Variants in PIEZO2 observed in about 807,000 individuals in gnomAD.
PIEZO2 encodes the protein piezo-type mechanosensitive ion channel component 2.
Under a neutral mutation model 337.3 loss-of-function variants are expected in PIEZO2, and 172 were observed. The ratio of observed to expected loss-of-function variants is 0.51; its 90% CI spans 0.45 to 0.58. PIEZO2 has a LOEUF of 0.58. PIEZO2 is among the 20% of genes least tolerant of loss of function. The pLI, the probability that PIEZO2 is intolerant of heterozygous loss-of-function variation, is 0.00. For synonymous variants in PIEZO2, 1,251 were observed against 1,228.5 expected, an observed-to-expected ratio of 1.02 and a Z score of -0.38; for missense variants, 3,028 against 3,391.3, an observed-to-expected ratio of 0.89 and a Z score of 2.66.
At position 10,672,346 on chromosome 18, in the gene PIEZO2, T is replaced by C. The variant is rs2033817079; in HGVS notation, c.8345+344A>G. On this transcript the variant is annotated intron_variant, in intron 55 of 55. Coordinates refer to ENST00000674853, the MANE Select transcript of PIEZO2 (RefSeq NM_001378183.1). This position sits in a 1 kb window ranked among gnomAD's most constrained non-coding sequence, Gnocchi z 4.7. The stretch of plus-strand genomic sequence containing the variant: ...AGAAGTTCAAAAGCAGGATGTCTAA[T>C]AGATCCATCTGCTAAGGATTAGAAG... Among the ~76,000 whole-genome samples, 2 of 152,224 alleles carry C rather than the reference T, an allele frequency of 1.3e-5. No individual in the cohort carries two copies. Among genetic ancestry groups the C allele is most frequent in the Admixed American group, 1.3e-4 (2 of 15,284 alleles).
At position 11,148,883 on chromosome 18, in the gene PIEZO2, G is replaced by A. The variant is rs537307178; in HGVS notation, c.-295C>T. ...TTTAGTGTGAATCCTGGATCCGGCA[G>A]CGGCGGCGGCTTCTTCAGGGGTAGC... is the stretch of plus-strand genomic sequence containing the variant. On this transcript the variant is annotated 5_prime_UTR_variant, in exon 1 of 56. Coordinates refer to ENST00000674853, the MANE Select transcript of PIEZO2 (RefSeq NM_001378183.1). The surrounding 1 kb of genome is among the most constrained non-coding windows in gnomAD (Gnocchi z 5.2). 77 of 355,642 alleles carry A rather than the reference G, an allele frequency of 2.2e-4. No homozygotes were observed. The highest frequency in any genetic ancestry group is 1.6e-3 in the African/African-American group (76 of 46,608). The allele number at this position is 355,642 out of a possible 1,614,324, so 22.0% of individuals were successfully genotyped here.
intron 2 of PIEZO2, among the ~76,000 whole-genome samples, chr18:11,058,706 A>C (rs951502429): frequency 6.6e-6 from 1 of 152,218 alleles, no homozygotes; most frequent in African/African-American, 2.4e-5. Flanking sequence ...GAAATGAAGC[A>C]AAAAGAGAAG....
chr18:10,779,003 T>G (rs1300538701), intron 18 of PIEZO2, among the ~76,000 whole-genome samples: 1 of 152,290 alleles, frequency 6.6e-6, no homozygotes, highest in East Asian at 1.9e-4. Flanking sequence ...GGGATTTAGA[T>G]TATTGCTCAG....
Position 11,094,008 on chromosome 18 carries a change from C to T in PIEZO2, c.65-27786G>A, listed in dbSNP as rs901477532. ...TCTTTCTTTTTTTGAGACAGTGTCT[C>T]GCTCTTGGGGCCCAGGCTGGAGTGC... is the stretch of plus-strand genomic sequence containing the variant. On this transcript the variant is annotated intron_variant, in intron 1 of 55. Transcript: ENST00000674853. This position sits in a 1 kb window ranked among gnomAD's most constrained non-coding sequence, Gnocchi z 4.4. Among the ~76,000 whole-genome samples, 4 of 148,988 alleles carry T rather than the reference C, an allele frequency of 2.7e-5. No individual in the cohort carries two copies. The highest frequency in any genetic ancestry group is 2.2e-4 in the South Asian group (1 of 4,636).
chr18:10,920,374 G>T (rs143854074), intron 3 of PIEZO2, among the ~76,000 whole-genome samples: 1 of 152,030 alleles, frequency 6.6e-6, no homozygotes, highest in African/African-American at 2.4e-5. Context: ...AAAAGTTATC[G>T]GAACAGTTAG....
rs187818100 is a variant in PIEZO2 at position 10,732,158 on chromosome 18, A to C, written c.4915-637T>G. On this transcript the variant is annotated intron_variant, in intron 35 of 55. Transcript: ENST00000674853. Reference sequence around the variant, plus strand: ...TCAAGAGCTGAAAATAGTTACATTAATATATTATAACTGAGAACCAGGAAA... The same window carrying C: ...TCAAGAGCTGAAAATAGTTACATTACTATATTATAACTGAGAACCAGGAAA... Among the ~76,000 whole-genome samples, 436 of 152,300 alleles carry C rather than the reference A, an allele frequency of 2.9e-3. 2 individuals carry two copies. The highest frequency in any genetic ancestry group is 4.0e-3 in the Non-Finnish European group (269 of 68,038).
In PIEZO2 at chr18:10,859,844, C is replaced by T. The variant is rs1423969602; in HGVS notation, c.493-2633G>A. On this transcript the variant is annotated intron_variant, in intron 5 of 55. Transcript: ENST00000674853. The surrounding 1 kb of genome is among the most constrained non-coding windows in gnomAD (Gnocchi z 4.9). ...GGGGCGGAGCAGAGGGAGGCAGCAG[C>T]GGGGAGGTGGTGGCTGTGCTGGAGG... 2.0e-5 allele frequency among the ~76,000 whole-genome samples: 3 copies of T among 151,694 alleles called. No homozygotes were observed. Among genetic ancestry groups the T allele is most frequent in the Non-Finnish European group, 4.4e-5 (3 of 67,962 alleles).
Position 10,729,065 on chromosome 18 carries a change from C to T in PIEZO2, c.5029+2342G>A, listed in dbSNP as rs542957343. Among the ~76,000 whole-genome samples, 18 of 151,546 alleles carry T rather than the reference C, an allele frequency of 1.2e-4. 1 individual carries two copies. The South Asian group carries it at 2.5e-3, about 21-fold the overall frequency. ...ACAACATACTGTTAGGATTTGTAAC[C>T]TTAGAGGACAGGATTTTGAGGTGAC... On this transcript the variant is annotated intron_variant, in intron 36 of 55. Coordinates refer to ENST00000674853, the MANE Select transcript of PIEZO2 (RefSeq NM_001378183.1).
chr18:11,060,663 A>T (rs2037915118), intron 2 of PIEZO2, among the ~76,000 whole-genome samples: 1 of 152,268 alleles, frequency 6.6e-6, no homozygotes, highest in African/African-American at 2.4e-5. Context: ...CTAGAAGAAA[A>T]GGATAAATTC....
chr18:10,701,967 AT>A, intron 43 of PIEZO2, 21 bp downstream of exon 43: 2 of 1,505,990 alleles, frequency 1.3e-6, no homozygotes, highest in Non-Finnish European at 1.8e-6. Context: ...ACTTGAACTG[AT>A]TAATTGTTAA....
intron 15 of PIEZO2, among the ~76,000 whole-genome samples, chr18:10,787,830 G>A (rs2039276439): frequency 6.6e-6 from 1 of 151,712 alleles, no homozygotes; most frequent in Admixed American, 6.6e-5. Context: ...TCTATTATTG[G>A]GTTCTCTTTT....
In PIEZO2 at chr18:11,002,231, C is replaced by A. The variant is rs2035570353; in HGVS notation, c.161-22571G>T. ...ATATTTTTCTCTTGATTTTTTCAAC[C>A]ATTTACATTCGCTCCTAGGTCATAC... is the stretch of plus-strand genomic sequence containing the variant. On this transcript the variant is annotated intron_variant, in intron 2 of 55. Coordinates refer to ENST00000674853, the MANE Select transcript of PIEZO2 (RefSeq NM_001378183.1). This position sits in a 1 kb window ranked among gnomAD's most constrained non-coding sequence, Gnocchi z 4.3. Among the ~76,000 whole-genome samples, 1 of 152,096 alleles carries A rather than the reference C, an allele frequency of 6.6e-6. No homozygotes were observed. The highest frequency in any genetic ancestry group is 1.5e-5 in the Non-Finnish European group (1 of 68,018).
chr18:10,863,718 C>G lies in PIEZO2; in HGVS notation c.493-6507G>C, dbSNP rs1282685921. Among the ~76,000 whole-genome samples, 1 of 150,940 alleles carries G rather than the reference C, an allele frequency of 6.6e-6. No homozygotes were observed. Among genetic ancestry groups the G allele is most frequent in the South Asian group, 2.1e-4 (1 of 4,808 alleles). On this transcript the variant is annotated intron_variant, in intron 5 of 55. Transcript: ENST00000674853. This position sits in a 1 kb window ranked among gnomAD's most constrained non-coding sequence, Gnocchi z 4.3. ...AGGTTAATTCACCTACTTAGAATGG[C>G]AATAGTCTTTAAGAATCATCTGAAC...
intron 3 of PIEZO2, among the ~76,000 whole-genome samples, chr18:10,965,124 T>C (rs1387986400): frequency 6.6e-6 from 1 of 152,178 alleles, no homozygotes; most frequent in South Asian, 2.1e-4. Context: ...TCCAATTCTT[T>C]TGTGTGTGTT....
intron 7 of PIEZO2, among the ~76,000 whole-genome samples, chr18:10,825,932 C>G (rs1466417441): frequency 6.6e-6 from 1 of 152,168 alleles, no homozygotes; most frequent in Non-Finnish European, 1.5e-5. Context: ...AGGAATTATT[C>G]TGAATTCTTC....
chr18:11,095,215 A>T (rs1018973979), intron 1 of PIEZO2, among the ~76,000 whole-genome samples: 2 of 152,200 alleles, frequency 1.3e-5, no homozygotes, highest in African/African-American at 4.8e-5. Flanking sequence ...TCACAGATAT[A>T]AACAAAAACC....
At chr18:11,090,515 G>A (rs918861622) in intron 1 of PIEZO2, among the ~76,000 whole-genome samples, 9 of 152,172 alleles carry the variant, frequency 5.9e-5, no homozygotes. Flanking sequence ...TTTCCAACCT[G>A]AAAGGGTAGG....
At chr18:10,761,561 A>G (rs1363358501) in intron 23 of PIEZO2, among the ~76,000 whole-genome samples, 2 of 152,230 alleles carry the variant, frequency 1.3e-5, no homozygotes, top group Non-Finnish European at 2.9e-5. Flanking sequence ...AATAGATTGA[A>G]AAGCATGCTG....
chr18:10,794,998 C>T lies in PIEZO2; in HGVS notation c.1532G>A (p.Trp511Ter). The T allele has an allele frequency of 6.5e-7, 1 of 1,547,600 alleles. No homozygotes were observed. The highest frequency in any genetic ancestry group is 8.7e-7 in the Non-Finnish European group (1 of 1,146,946). Reference sequence around the variant, plus strand: ...CAGCCAGCTGTGATAGGTGATGCTCCAGGCCTCCGGAGGACAGAAAAGGAA... The same window carrying T: ...CAGCCAGCTGTGATAGGTGATGCTCTAGGCCTCCGGAGGACAGAAAAGGAA... ...YICALIAMMA[W>*]SITYHSWLTF... The change falls in exon 13 of 56, where the codon TGG (tryptophan) becomes TAG (stop). Residue 511 changes from tryptophan (W) to a stop codon, truncating the protein, a stop_gained. Transcript: ENST00000674853. LOFTEE classifies it high-confidence loss of function. This position sits in a 1 kb window ranked among gnomAD's most constrained non-coding sequence, Gnocchi z 6.6.
Sources: allele counts gnomAD v4.1 joint callset (sites outside exome capture counted in the v4.1 genomes callset), GRCh38; gene constraint gnomAD v4.1.1; non-coding constraint Gnocchi (gnomAD v3.1); transcripts MANE v1.5; gene names NCBI Gene and HGNC (gene_info 2026-07-23, HGNC 2026-07-21).